Variants in SMARCC1 observed in about 807,000 individuals in gnomAD.
The protein encoded by SMARCC1 is SWI/SNF related BAF chromatin remodeling complex subunit C1.
SMARCC1 carries 43 observed loss-of-function variants against 147.4 expected under a neutral mutation model. The observed-to-expected ratio is 0.29, with a 90% CI of 0.23 to 0.38. The LOEUF (loss-of-function observed/expected upper bound fraction) is 0.38, where lower values mean the gene tolerates loss of function less well. SMARCC1 is among the 10% of genes least tolerant of loss of function. The probability of loss-of-function intolerance (pLI) is 1.00; values close to 1 mark genes in which losing one functional copy is unlikely to be tolerated. For missense variants in SMARCC1, 1,119 were observed against 1,381.1 expected, an observed-to-expected ratio of 0.81 and a Z score of 3.01; for synonymous variants, 495 against 484.4, an observed-to-expected ratio of 1.02 and a Z score of -0.29.
chr3:47,731,135 A>G (rs1004009873), intron 5 of SMARCC1, among the ~76,000 whole-genome samples: 3 of 152,246 alleles, frequency 2.0e-5, no homozygotes, highest in Non-Finnish European at 4.4e-5. Context: ...TGCTTGCTGT[A>G]TCAACTAAAT....
chr3:47,758,605 C>A (rs753701005), intron 2 of SMARCC1, among the ~76,000 whole-genome samples: 1 of 152,114 alleles, frequency 6.6e-6, no homozygotes, highest in Non-Finnish European at 1.5e-5. Context: ...CACTCATTTA[C>A]GTATTGTATA....
chr3:47,592,676 G>C (rs1243529981), intron 26 of SMARCC1, among the ~76,000 whole-genome samples: 1 of 152,178 alleles, frequency 6.6e-6, no homozygotes, highest in Non-Finnish European at 1.5e-5. Flanking sequence ...TCAGTTCACT[G>C]CAACCTCAAC....
In SMARCC1 at chr3:47,588,091, C is replaced by T. The variant is rs1026398477; in HGVS notation, c.*118G>A. 7.6e-6 allele frequency: 6 copies of T among 793,010 alleles called. No homozygotes were observed. The African/African-American group carries it at 1.0e-4, about 14-fold the overall frequency. The allele number at this position is 793,010 out of a possible 1,614,324, so 49.1% of individuals were successfully genotyped here. On this transcript the variant is annotated 3_prime_UTR_variant, in exon 28 of 28. Transcript: ENST00000254480. ...GGAGTGGGGAGGCACGGGACACGTG[C>T]TTGGAGCTGTGAGAAGAAAAATCCT...
In SMARCC1 at chr3:47,600,998, TGAGAGAGAGAGAGAGAGAGAGA is replaced by T. The variant is rs66582985; in HGVS notation, c.3043+9046_3043+9067del. ...CCAGCAGACAGGGAGAGGAAGAAAATGAGAGAGAGAGAGAGAGAGAGAGAGAGAGAGAGAGAGAGAGAGAGAG... is the reference window on the plus strand; with the variant it reads ...CCAGCAGACAGGGAGAGGAAGAAAATGAGAGAGAGAGAGAGAGAGAGAGAG... On this transcript the variant is annotated intron_variant, in intron 26 of 27. Transcript: ENST00000254480. Among the ~76,000 whole-genome samples the T allele has an allele frequency of 1.7e-3, 147 of 85,196 alleles. 2 individuals are homozygous for T. Among genetic ancestry groups the T allele is most frequent in the Middle Eastern group, 0.013 (2 of 152 alleles). The allele number at this position is 85,196 out of a possible 152,430, so 55.9% of individuals were successfully genotyped here. A position where few individuals can be genotyped will look rare whatever the true frequency, so the allele number is the denominator to read the frequency against.
At position 47,648,004 on chromosome 3, in the gene SMARCC1, C is replaced by CT. The variant is rs981924773; in HGVS notation, c.2321-9225dup. On this transcript the variant is annotated intron_variant, in intron 21 of 27. Transcript: ENST00000254480. ...TCACTGACATTCTAAACCTCTTTTA[C>CT]TTTTTTTTGAGACAGAGTCTCACTC... Among the ~76,000 whole-genome samples, 10 of 152,004 alleles carry CT rather than the reference C, an allele frequency of 6.6e-5. No individual in the cohort carries two copies. In the South Asian group the frequency reaches 8.3e-4, roughly 13 times the overall value.
intron 14 of SMARCC1, among the ~76,000 whole-genome samples, chr3:47,683,237 G>A (rs1452473342): frequency 6.6e-6 from 1 of 151,720 alleles, no homozygotes; most frequent in Non-Finnish European, 1.5e-5. Context: ...TAGCAGAGAC[G>A]GGGTTTCACC....
chr3:47,781,675 C>G lies in SMARCC1; in HGVS notation c.123G>C (p.Lys41Asn). ...ACACCGTCTCCGGGCTCTCCCAAAA[C>G]TTGGTGGCCGGGCCCCCATCCTTCC... is the stretch of plus-strand genomic sequence containing the variant. The part of the protein sequence containing the change: ...YRRKDGGPAT[K>N]FWESPETVSQ... The change falls in exon 1 of 28, where the codon AAG (lysine) becomes AAC (asparagine). Residue 41 changes from lysine (K) to asparagine (N), a missense_variant. Coordinates refer to ENST00000254480, the MANE Select transcript of SMARCC1 (RefSeq NM_003074.4). 1 of 1,560,404 alleles carries G rather than the reference C, an allele frequency of 6.4e-7. No individual in the cohort carries two copies. The highest frequency in any genetic ancestry group is 8.6e-7 in the Non-Finnish European group (1 of 1,157,222).
At chr3:47,741,346 T>C (rs1022202704) in intron 3 of SMARCC1, among the ~76,000 whole-genome samples, 2 of 73,410 alleles carry the variant, frequency 2.7e-5, no homozygotes, top group South Asian at 7.9e-4. Context: ...TAAGGGAAAT[T>C]TGAACACTCA....
chr3:47,613,668 T>C (rs1003066269), intron 25 of SMARCC1, among the ~76,000 whole-genome samples: 5 of 152,196 alleles, frequency 3.3e-5, no homozygotes, highest in South Asian at 2.1e-4. Context: ...TTTTTATTTA[T>C]GATTTGAAAA....
At chr3:47,756,843 T>C (rs985336463) in intron 2 of SMARCC1, among the ~76,000 whole-genome samples, 1 of 152,080 alleles carries the variant, frequency 6.6e-6, no homozygotes, top group East Asian at 1.9e-4. Flanking sequence ...ATATGACAAG[T>C]ACAAACCTCT....
Position 47,639,014 on chromosome 3 carries a change from G to C in SMARCC1, c.2321-234C>G, listed in dbSNP as rs1453789577. Reference sequence around the variant, plus strand: ...AGCACTCAGAACAGTGGTTAACAGGGGGAAGGGGTGAATTATACAGAAAGC... The same window carrying C: ...AGCACTCAGAACAGTGGTTAACAGGCGGAAGGGGTGAATTATACAGAAAGC... On this transcript the variant is annotated intron_variant, in intron 21 of 27. Coordinates refer to ENST00000254480, the MANE Select transcript of SMARCC1 (RefSeq NM_003074.4). 7.9e-5 allele frequency among the ~76,000 whole-genome samples: 12 copies of C among 152,188 alleles called. No homozygotes were observed. In the East Asian group the frequency reaches 2.3e-3, roughly 29 times the overall value.
At chr3:47,677,156 G>C (rs2033584872) in intron 16 of SMARCC1, among the ~76,000 whole-genome samples, 1 of 152,168 alleles carries the variant, frequency 6.6e-6, no homozygotes, top group Admixed American at 6.5e-5. Flanking sequence ...GAGTGCAATG[G>C]TGCGATCTCA....
intron 7 of SMARCC1, among the ~76,000 whole-genome samples, chr3:47,716,089 C>T (rs919311425): frequency 3.1e-4 from 47 of 151,078 alleles, no homozygotes; most frequent in Admixed American, 2.7e-4. Flanking sequence ...TATTAGCTTC[C>T]TTTTAGTCAC....
At chr3:47,776,291 C>T (rs368600558) in intron 1 of SMARCC1, among the ~76,000 whole-genome samples, 12 of 152,016 alleles carry the variant, frequency 7.9e-5, no homozygotes, top group African/African-American at 2.9e-4. Flanking sequence ...TTTTTGTACA[C>T]GGTAAAGCAA....
chr3:47,628,726 G>A (rs969960981), intron 24 of SMARCC1, among the ~76,000 whole-genome samples: 8 of 151,994 alleles, frequency 5.3e-5, no homozygotes, highest in African/African-American at 1.7e-4. Context: ...CACTATGACT[G>A]GCTTAATTTT....
At chr3:47,724,521 G>C (rs2034275162) in intron 6 of SMARCC1, among the ~76,000 whole-genome samples, 1 of 152,180 alleles carries the variant, frequency 6.6e-6, no homozygotes, top group South Asian at 2.1e-4. Flanking sequence ...GGATGGCTTT[G>C]AATGTAGCCC....
intron 21 of SMARCC1, among the ~76,000 whole-genome samples, chr3:47,655,097 G>A (rs2033243990): frequency 1.3e-5 from 2 of 152,202 alleles, no homozygotes; most frequent in Admixed American, 1.3e-4. Context: ...AAAATGGTAA[G>A]ATTTTAGGTT....
intron 24 of SMARCC1, among the ~76,000 whole-genome samples, chr3:47,631,763 GT>G (rs2032894454): frequency 6.6e-6 from 1 of 152,096 alleles, no homozygotes; most frequent in Non-Finnish European, 1.5e-5. Flanking sequence ...TAACAAAGCT[GT>G]TTATAGACAC....
chr3:47,775,193 C>G (rs1284742327), intron 1 of SMARCC1, among the ~76,000 whole-genome samples: 3 of 149,230 alleles, frequency 2.0e-5, no homozygotes, highest in African/African-American at 7.4e-5. Flanking sequence ...GACAGTCTCA[C>G]TCTGTTGCCC....
Sources: gnomAD v4.1 joint callset for allele counts (sites outside exome capture counted in the v4.1 genomes callset) on GRCh38, gnomAD v4.1.1 for gene constraint, MANE v1.5 for transcripts, NCBI Gene and HGNC (gene_info 2026-07-23, HGNC 2026-07-21) for gene names.